Variants in PIK3C2G observed in about 807,000 individuals in gnomAD.
The protein encoded by PIK3C2G is phosphatidylinositol-4-phosphate 3-kinase catalytic subunit type 2 gamma.
PIK3C2G carries 168 observed loss-of-function variants against 181.1 expected under a neutral mutation model. The ratio of observed to expected loss-of-function variants is 0.93; its 90% CI spans 0.82 to 1.05. The LOEUF (loss-of-function observed/expected upper bound fraction) is 1.05, where lower values mean the gene tolerates loss of function less well. Ranked by LOEUF, PIK3C2G falls within the 50% of genes least tolerant of loss-of-function variation. The pLI is 0.00. For synonymous variants in PIK3C2G, 573 were observed against 592.2 expected, an observed-to-expected ratio of 0.97 and a Z score of 0.47; for missense variants, 1,869 against 1,732.8, an observed-to-expected ratio of 1.08 and a Z score of -1.40.
At chr12:18,352,474 G>C (rs112234613) in intron 11 of PIK3C2G, among the ~76,000 whole-genome samples, 2 of 152,300 alleles carry the variant, frequency 1.3e-5, no homozygotes, top group African/African-American at 4.8e-5. Context: ...GCTGGCAGGA[G>C]TAGAACTCTG....
chr12:18,400,921 T>C (rs1208375973), intron 16 of PIK3C2G, among the ~76,000 whole-genome samples: 1 of 152,038 alleles, frequency 6.6e-6, no homozygotes, highest in Non-Finnish European at 1.5e-5. Context: ...GCTTGCAACT[T>C]TTTTCTTTTG....
At chr12:18,273,823 T>G (rs1048324595) in intron 1 of PIK3C2G, among the ~76,000 whole-genome samples, 7 of 151,930 alleles carry the variant, frequency 4.6e-5, no homozygotes, top group East Asian at 1.9e-4. Flanking sequence ...TTAAACTAAA[T>G]AGCTTCTGCA....
At chr12:18,679,013 T>G in the PIK3C2G span, among the ~76,000 whole-genome samples, 1 of 152,082 alleles carries the variant, frequency 6.6e-6, no homozygotes, top group Non-Finnish European at 1.5e-5. Context: ...TGGTCATTTG[T>G]GTTTTATTTT....
chr12:18,307,195 T>C (rs1459981394), intron 5 of PIK3C2G, among the ~76,000 whole-genome samples: 1 of 99,312 alleles, frequency 1.0e-5, no homozygotes, highest in African/African-American at 4.4e-5. Context: ...ATGAGCTATT[T>C]AGGAATAGGA....
intron 16 of PIK3C2G, among the ~76,000 whole-genome samples, chr12:18,410,778 A>G (rs1336014479): frequency 4.6e-5 from 7 of 152,186 alleles, no homozygotes; most frequent in Non-Finnish European, 8.8e-5. Flanking sequence ...TTACTTTTAC[A>G]TATAATGTTT....
intron 30 of PIK3C2G, among the ~76,000 whole-genome samples, chr12:18,604,030 A>C (rs143304014): frequency 6.6e-6 from 1 of 152,250 alleles, no homozygotes; most frequent in East Asian, 1.9e-4. Context: ...TGATGAATGC[A>C]ATGGTACCTC....
intron 20 of PIK3C2G, chr12:18,493,663 G>C (rs1379144046): frequency 6.6e-6 from 1 of 152,262 alleles, no homozygotes; most frequent in Non-Finnish European, 1.5e-5. Context: ...GTGCACCAGA[G>C]GGTTCACACT....
chr12:18,604,366 C>T (rs1200819586), intron 30 of PIK3C2G, among the ~76,000 whole-genome samples: 1 of 152,050 alleles, frequency 6.6e-6, no homozygotes, highest in Non-Finnish European at 1.5e-5. Context: ...CATATATGCA[C>T]CTAACACTGG....
chr12:18,650,700 GTGTGTATATATCTATATATATATATATA>G (rs1950440152), downstream of PIK3C2G, among the ~76,000 whole-genome samples: 2 of 43,840 alleles, frequency 4.6e-5, no homozygotes, highest in African/African-American at 9.2e-5. Context: ...GTGTGTGTGT[GTGTGTATATATCTATATATATATATATA>G]TATATATATA....
At chr12:18,712,943 C>A in the PIK3C2G span, 1 of 1,613,938 alleles carries the variant, frequency 6.2e-7, no homozygotes, top group East Asian at 2.2e-5. Flanking sequence ...TGTGCTCCAT[C>A]CCAGCAGTCA....
chr12:18,553,448 A>T lies in PIK3C2G; in HGVS notation c.3590+7016A>T, dbSNP rs142768070. 5.7e-4 allele frequency among the ~76,000 whole-genome samples: 87 copies of T among 152,170 alleles called. No individual in the cohort carries two copies. The East Asian group carries it at 0.014, about 25-fold the overall frequency. ...ATTTGGTCACTTTCATAAGGCATCT[A>T]TCTAAAAAGGTAAAAGAATGATCCA... On this transcript the variant is annotated intron_variant, in intron 26 of 32. Transcript: ENST00000538779.
Position 18,362,824 on chromosome 12 carries a change from G to C in PIK3C2G, c.1686G>C (p.Val562=). 1.3e-6 allele frequency: 2 copies of C among 1,522,900 alleles called. No individual in the cohort carries two copies. The highest frequency in any genetic ancestry group is 3.4e-4 in the Middle Eastern group (2 of 5,816). 94.3% of individuals were successfully genotyped at this position (1,522,900 alleles called of 1,614,324 possible). The stretch of plus-strand genomic sequence containing the variant: ...ATGCTGGAAAGAAGCTGTGCCAAGT[G>C]AGAAACTACAGAAATATTCCAGACA... ...LTYAGKKLCQ[V]RNYRNIPDKK... The change falls in exon 12 of 33, where the codon GTG becomes GTC. Residue 562 remains valine (V), a synonymous_variant. Transcript: ENST00000538779.
At chr12:18,546,537 T>C in intron 26 of PIK3C2G, 105 bp downstream of exon 26, 1 of 682,194 alleles carries the variant, frequency 1.5e-6, no homozygotes, top group Non-Finnish European at 2.6e-6. Context: ...TATGAAGCTG[T>C]TGTTTCTAGA....
At chr12:18,395,198 G>A (rs1253182785) in intron 15 of PIK3C2G, among the ~76,000 whole-genome samples, 10 of 148,696 alleles carry the variant, frequency 6.7e-5, no homozygotes, top group African/African-American at 2.5e-4. Context: ...TAGAGAAATT[G>A]CTGAAAAATA....
chr12:18,681,600 T>C, the PIK3C2G span, among the ~76,000 whole-genome samples: 6 of 151,966 alleles, frequency 3.9e-5, no homozygotes, highest in Non-Finnish European at 8.8e-5. Flanking sequence ...TGATAAATAA[T>C]GCAAATTTTA....
downstream of PIK3C2G, among the ~76,000 whole-genome samples, chr12:18,651,770 C>T (rs1002634687): frequency 6.6e-6 from 1 of 152,194 alleles, no homozygotes; most frequent in African/African-American, 2.4e-5. Flanking sequence ...CAAGGGAAGG[C>T]TCCTTGCAGG....
chr12:18,269,467 C>T (rs532934439), intron 1 of PIK3C2G, among the ~76,000 whole-genome samples: 2 of 152,226 alleles, frequency 1.3e-5, no homozygotes, highest in Non-Finnish European at 2.9e-5. Flanking sequence ...CCTAGGTTTT[C>T]CTCACCCATG....
intron 12 of PIK3C2G, among the ~76,000 whole-genome samples, chr12:18,365,920 A>G (rs929023197): frequency 2.6e-5 from 4 of 152,124 alleles, no homozygotes; most frequent in Non-Finnish European, 1.5e-5. Flanking sequence ...CTCGTTTCAG[A>G]CCCTATGTTC....
At chr12:18,639,345 G>T (rs1172737311) in intron 31 of PIK3C2G, among the ~76,000 whole-genome samples, 1 of 151,962 alleles carries the variant, frequency 6.6e-6, no homozygotes, top group Non-Finnish European at 1.5e-5. Flanking sequence ...GGGTGTGGGG[G>T]TGCACTGGTT....
Sources: allele counts gnomAD v4.1 joint callset (sites outside exome capture counted in the v4.1 genomes callset), GRCh38; gene constraint gnomAD v4.1.1; transcripts MANE v1.5; gene names NCBI Gene and HGNC (gene_info 2026-07-23, HGNC 2026-07-21).